MYO9A: variants seen among roughly 807,000 people sequenced by gnomAD.
MYO9A encodes myosin IXA.
In MYO9A, 103 loss-of-function variants were observed where a neutral mutation model predicts 293.3. That is an observed-to-expected ratio of 0.35 (90% CI 0.30 to 0.41). MYO9A has a LOEUF of 0.41. MYO9A is among the 10% of genes least tolerant of loss of function. The pLI is 1.00. For missense variants in MYO9A, 2,685 were observed against 3,033.0 expected (o/e 0.89, Z 2.69); for synonymous variants, 1,001 against 1,035.7 (o/e 0.97, Z 0.64).
At chr15:71,896,546 GA>G (rs1460058184) in intron 25 of MYO9A, among the ~76,000 whole-genome samples, 6 of 152,164 alleles carry the variant, frequency 3.9e-5, no homozygotes, top group African/African-American at 1.4e-4. Context: ...TTGGGGGGCA[GA>G]GGCAGGTGGA....
chr15:72,071,154 T>C (rs2079176793), intron 1 of MYO9A, among the ~76,000 whole-genome samples: 1 of 152,136 alleles, frequency 6.6e-6, no homozygotes, highest in Admixed American at 6.5e-5. Flanking sequence ...ACTATGCATC[T>C]GACAAGAGAC....
At chr15:71,832,455 G>A (rs1330918035) in intron 39 of MYO9A, among the ~76,000 whole-genome samples, 5 of 151,970 alleles carry the variant, frequency 3.3e-5, no homozygotes, top group Admixed American at 6.5e-5. Flanking sequence ...ACTTAAAAGC[G>A]TTACAAAAAG....
intron 3 of MYO9A, among the ~76,000 whole-genome samples, chr15:72,028,951 G>A (rs1021807703): frequency 4.6e-5 from 7 of 152,184 alleles, no homozygotes; most frequent in Non-Finnish European, 8.8e-5. Flanking sequence ...GTAGAGAAAG[G>A]AGATAATCTA....
In MYO9A at chr15:71,916,374, A is replaced by C; in HGVS notation, c.2681T>G (p.Phe894Cys). The C allele has an allele frequency of 3.1e-6, 5 of 1,609,338 alleles. No homozygotes were observed. The highest frequency in any genetic ancestry group is 4.2e-6 in the Non-Finnish European group (5 of 1,178,836). The change falls in exon 19 of 42, where the codon TTT (phenylalanine) becomes TGT (cysteine). Residue 894 changes from phenylalanine (F) to cysteine (C), a missense_variant. Coordinates refer to ENST00000356056, the MANE Select transcript of MYO9A (RefSeq NM_006901.4). Reference sequence around the variant, plus strand: ...TTAAGCGAAACAAGAAATAACCTGAAACTGGGCACTGATGCTGGGAGGTTT... The same window carrying C: ...TTAAGCGAAACAAGAAATAACCTGACACTGGGCACTGATGCTGGGAGGTTT... ...KKKPPSISAQ[F>C]QASLSKLMET...
chr15:72,090,518 C>T (rs961363762), intron 1 of MYO9A, among the ~76,000 whole-genome samples: 1 of 152,124 alleles, frequency 6.6e-6, no homozygotes, highest in Admixed American at 6.5e-5. Context: ...TTCTATACTA[C>T]GTAACCTTAG....
intron 33 of MYO9A, among the ~76,000 whole-genome samples, chr15:71,861,679 T>TAAAAAAAAAAAA (rs66598621): frequency 2.4e-5 from 2 of 82,932 alleles, no homozygotes; most frequent in African/African-American, 4.2e-5. Flanking sequence ...ACTGATGATA[T>TAAAAAAAAAAAA]AAAAAAAAAA....
At chr15:71,980,226 G>A (rs1447324112) in intron 11 of MYO9A, among the ~76,000 whole-genome samples, 1 of 151,950 alleles carries the variant, frequency 6.6e-6, no homozygotes, top group Non-Finnish European at 1.5e-5. Flanking sequence ...CAAAACTTTT[G>A]GTGTGCATTT....
chr15:71,887,963 A>G, intron 27 of MYO9A, 41 bp downstream of exon 27: 4 of 1,159,628 alleles, frequency 3.4e-6, no homozygotes, highest in Non-Finnish European at 4.9e-6. Flanking sequence ...GTTATCAAAT[A>G]AAATTATATA....
intron 27 of MYO9A, 92 bp downstream of exon 27, chr15:71,887,912 T>G (rs1379354378): frequency 6.1e-6 from 4 of 659,396 alleles, no homozygotes; most frequent in Non-Finnish European, 9.7e-6. Context: ...GGCCTATCAA[T>G]TATGGTTTTT....
At chr15:72,028,942 T>A (rs768530176) in intron 3 of MYO9A, among the ~76,000 whole-genome samples, 1 of 152,098 alleles carries the variant, frequency 6.6e-6, no homozygotes, top group African/African-American at 2.4e-5. Flanking sequence ...TACAAATTAG[T>A]AGAGAAAGGA....
Position 72,118,113 on chromosome 15 carries a change from G to T in MYO9A, c.-505C>A. The T allele has an allele frequency of 2.6e-6, 1 of 386,542 alleles. No individual in the cohort carries two copies. Among genetic ancestry groups the T allele is most frequent in the Non-Finnish European group, 4.6e-6 (1 of 219,178 alleles). 23.9% of individuals were successfully genotyped at this position (386,542 alleles called of 1,614,324 possible). On this transcript the variant is annotated 5_prime_UTR_variant, in exon 1 of 42. Coordinates refer to ENST00000356056, the MANE Select transcript of MYO9A (RefSeq NM_006901.4). The stretch of plus-strand genomic sequence containing the variant: ...GACCCCGCGCACGCGGCCCCGCCCC[G>T]CGCGACTCCCCGGCTGCAGGCGAGC...
intron 27 of MYO9A, among the ~76,000 whole-genome samples, chr15:71,887,781 G>C (rs968532685): frequency 2.0e-5 from 3 of 152,094 alleles, no homozygotes; most frequent in African/African-American, 7.2e-5. Flanking sequence ...ATGAACTTAT[G>C]AGGGTTGAGG....
intron 1 of MYO9A, among the ~76,000 whole-genome samples, chr15:72,058,817 G>A (rs986412026): frequency 1.3e-5 from 2 of 151,960 alleles, no homozygotes; most frequent in Non-Finnish European, 2.9e-5. Context: ...GGAAAACTGT[G>A]GTGAAGAAAG....
chr15:72,004,307 C>T (rs1252940390), intron 8 of MYO9A, among the ~76,000 whole-genome samples: 2 of 152,194 alleles, frequency 1.3e-5, no homozygotes, highest in African/African-American at 4.8e-5. Flanking sequence ...CCTGTAATCC[C>T]AACACTTTGG....
At chr15:71,850,001 T>C (rs1370430518) in intron 38 of MYO9A, 35 bp downstream of exon 38, 3 of 1,609,526 alleles carry the variant, frequency 1.9e-6, no homozygotes, top group East Asian at 4.5e-5. Context: ...CAGAAGTCCC[T>C]GAGGTCTTGC....
At chr15:71,937,435 C>T (rs1013891428) in intron 16 of MYO9A, among the ~76,000 whole-genome samples, 4 of 152,132 alleles carry the variant, frequency 2.6e-5, no homozygotes, top group Non-Finnish European at 4.4e-5. Flanking sequence ...AGGAAAGACC[C>T]TCTACCAGCA....
chr15:72,034,411 C>T (rs1434432792), intron 2 of MYO9A, among the ~76,000 whole-genome samples: 1 of 152,180 alleles, frequency 6.6e-6, no homozygotes, highest in East Asian at 1.9e-4. Flanking sequence ...ATAATGATAG[C>T]AGCAAATGCA....
intron 32 of MYO9A, among the ~76,000 whole-genome samples, chr15:71,864,467 T>A (rs1308909925): frequency 6.6e-6 from 1 of 152,176 alleles, no homozygotes; most frequent in Non-Finnish European, 1.5e-5. Flanking sequence ...GACCCAGAAA[T>A]TCCACTCTCA....
chr15:71,923,249 T>G (rs1310600490), intron 18 of MYO9A, among the ~76,000 whole-genome samples: 1 of 152,244 alleles, frequency 6.6e-6, no homozygotes, highest in Non-Finnish European at 1.5e-5. Context: ...GTTATCTTTT[T>G]AATGTGCTAT....
Sources: allele counts gnomAD v4.1 joint callset (sites outside exome capture counted in the v4.1 genomes callset), GRCh38; gene constraint gnomAD v4.1.1; transcripts MANE v1.5; gene names NCBI Gene and HGNC (gene_info 2026-07-23, HGNC 2026-07-21).